OR2C1: variants seen among roughly 807,000 people sequenced by gnomAD.
The protein encoded by OR2C1 is olfactory receptor family 2 subfamily C member 1, also known as olfactory receptor 2C1.
For missense variants in OR2C1, 468 were observed against 388.3 expected (o/e 1.21, Z -1.73); for synonymous variants, 209 against 167.3 (o/e 1.25, Z -1.92).
the OR2C1 span, among the ~76,000 whole-genome samples, chr16:3,327,516 A>G: frequency 1.3e-5 from 2 of 151,898 alleles, no homozygotes; most frequent in African/African-American, 2.4e-5. Flanking sequence ...GCTTTGTAAG[A>G]AGACCCTCTT....
chr16:3,330,606 T>C, the OR2C1 span, among the ~76,000 whole-genome samples: 2 of 152,214 alleles, frequency 1.3e-5, no homozygotes, highest in African/African-American at 4.8e-5. Context: ...TATTGATACA[T>C]AATATATGTA....
chr16:3,351,497 T>TA (rs990876144), upstream of OR2C1, among the ~76,000 whole-genome samples: 7 of 152,102 alleles, frequency 4.6e-5, no homozygotes, highest in African/African-American at 1.7e-4. Flanking sequence ...TAATTGGAAG[T>TA]AAAAAACCCA....
At chr16:3,333,680 T>A in the OR2C1 span, among the ~76,000 whole-genome samples, 1 of 152,220 alleles carries the variant, frequency 6.6e-6, no homozygotes, top group African/African-American at 2.4e-5. Flanking sequence ...CTTTATTGTT[T>A]CCTTTGATGT....
At chr16:3,353,777 G>C (rs111786346), upstream of OR2C1, among the ~76,000 whole-genome samples, 61 of 151,944 alleles carry the variant, frequency 4.0e-4, no homozygotes, top group African/African-American at 1.4e-3. Flanking sequence ...CTCCAGCCTG[G>C]GTGACACTGC....
chr16:3,352,274 G>A (rs540329286), upstream of OR2C1, among the ~76,000 whole-genome samples: 192 of 151,852 alleles, frequency 1.3e-3, no homozygotes, highest in Admixed American at 4.8e-3. Flanking sequence ...CCACCACCAC[G>A]CCCGCCTAAT....
At chr16:3,325,460 AATATATATATATATATATATAT>A in the OR2C1 span, among the ~76,000 whole-genome samples, 70 of 93,166 alleles carry the variant, frequency 7.5e-4, no homozygotes, top group African/African-American at 2.5e-3. Context: ...TATGTCTAAA[AATATATATATATATATATATAT>A]ATATATATAT....
chr16:3,356,743 A>G lies in OR2C1; in HGVS notation c.803A>G (p.Gln268Arg), dbSNP rs550375409. 13 of 1,613,742 alleles carry G rather than the reference A, an allele frequency of 8.1e-6. No homozygotes were observed. The East Asian group carries it at 2.5e-4, about 30-fold the overall frequency. The change falls in exon 1 of 1, where the codon CAG (glutamine) becomes CGG (arginine). Residue 268 changes from glutamine to arginine, a missense_variant. Coordinates refer to ENST00000304936, the MANE Select transcript of OR2C1 (RefSeq NM_012368.3). ...GYLLPAKNSK[Q>R]DQGKFISLFY... is the part of the protein sequence containing the mutation. The stretch of plus-strand genomic sequence containing the variant: ...CTGCTTCCGGCCAAGAACAGCAAAC[A>G]GGACCAGGGCAAGTTCATTTCCCTG...
chr16:3,326,961 G>A, the OR2C1 span, among the ~76,000 whole-genome samples: 3 of 152,146 alleles, frequency 2.0e-5, no homozygotes, highest in South Asian at 2.1e-4. Flanking sequence ...TTTCAGCTAC[G>A]TGAATCTATA....
chr16:3,347,899 C>G, the OR2C1 span, among the ~76,000 whole-genome samples: 1 of 151,820 alleles, frequency 6.6e-6, no homozygotes, highest in African/African-American at 2.4e-5. Flanking sequence ...CACACACCCA[C>G]TATAGCATTT....
At chr16:3,345,220 G>A in the OR2C1 span, among the ~76,000 whole-genome samples, 1 of 152,062 alleles carries the variant, frequency 6.6e-6, no homozygotes, top group African/African-American at 2.4e-5. Context: ...TGTAATCCCA[G>A]CACTTTGGGA....
chr16:3,353,243 G>C (rs987923042), upstream of OR2C1, among the ~76,000 whole-genome samples: 1 of 151,606 alleles, frequency 6.6e-6, no homozygotes, highest in African/African-American at 2.4e-5. Flanking sequence ...TGTAATCCCA[G>C]CACTTTGGGA....
chr16:3,349,853 G>T, the OR2C1 span, among the ~76,000 whole-genome samples: 1 of 151,404 alleles, frequency 6.6e-6, no homozygotes, highest in Non-Finnish European at 1.5e-5. Flanking sequence ...AGTGAGCCAA[G>T]ATCGTGCCAC....
chr16:3,354,150 A>G (rs2030622172), upstream of OR2C1, among the ~76,000 whole-genome samples: 1 of 151,534 alleles, frequency 6.6e-6, no homozygotes, highest in African/African-American at 2.4e-5. Context: ...TGCCCGACAA[A>G]TTTTTTGTAT....
the OR2C1 span, among the ~76,000 whole-genome samples, chr16:3,345,978 T>A: frequency 6.6e-6 from 1 of 151,712 alleles, no homozygotes; most frequent in Non-Finnish European, 1.5e-5. Flanking sequence ...GGACTATAGG[T>A]GTGCACCACC....
At chr16:3,333,211 A>ATTTTTTTTTTTTTTTTTT in the OR2C1 span, among the ~76,000 whole-genome samples, 7 of 65,844 alleles carry the variant, frequency 1.1e-4, no homozygotes, top group African/African-American at 1.2e-4. Flanking sequence ...TCTTTTGCCC[A>ATTTTTTTTTTTTTTTTTT]TTTTTTTTTT....
At chr16:3,337,257 C>G in the OR2C1 span, among the ~76,000 whole-genome samples, 1 of 151,898 alleles carries the variant, frequency 6.6e-6, no homozygotes, top group Non-Finnish European at 1.5e-5. Context: ...TGGGTTCAAG[C>G]AATTCTTATG....
At chr16:3,324,716 A>T in the OR2C1 span, among the ~76,000 whole-genome samples, 1 of 151,792 alleles carries the variant, frequency 6.6e-6, no homozygotes, top group Non-Finnish European at 1.5e-5. Flanking sequence ...ACCTCCCCAA[A>T]TCTGGGACTG....
the OR2C1 span, among the ~76,000 whole-genome samples, chr16:3,334,600 A>G: frequency 6.7e-6 from 1 of 149,516 alleles, no homozygotes; most frequent in African/African-American, 2.5e-5. Context: ...TTCCCAAAGT[A>G]CAGGGATTAC....
At chr16:3,341,261 A>G in the OR2C1 span, among the ~76,000 whole-genome samples, 5 of 151,930 alleles carry the variant, frequency 3.3e-5, no homozygotes, top group Admixed American at 2.0e-4. Flanking sequence ...TATTGATGAT[A>G]TATTGAAACA....
Sources: allele counts gnomAD v4.1 joint callset (sites outside exome capture counted in the v4.1 genomes callset), GRCh38; gene constraint gnomAD v4.1.1; transcripts MANE v1.5; gene names NCBI Gene and HGNC (gene_info 2026-07-23, HGNC 2026-07-21).